Variants in ASF1B observed in about 807,000 individuals in gnomAD.
The protein encoded by ASF1B is histone chaperone ASF1B.
ASF1B carries 10 observed loss-of-function variants against 16.6 expected under a neutral mutation model. The ratio of observed to expected loss-of-function variants is 0.60; its 90% CI spans 0.37 to 1.02. ASF1B has a LOEUF of 1.02. Among genes scored for constraint, ASF1B ranks in the 50% least tolerant of loss-of-function variants. The pLI is 0.01. For synonymous variants in ASF1B, 101 were observed against 106.2 expected (o/e 0.95, Z 0.30); for missense variants, 240 against 266.0 (o/e 0.90, Z 0.68).
chr19:14,135,659 A>G (rs947105361), intron 1 of ASF1B, among the ~76,000 whole-genome samples: 2 of 152,092 alleles, frequency 1.3e-5, no homozygotes, highest in African/African-American at 4.8e-5. Context: ...TTTCACAGGA[A>G]AAAAAGGTTA....
chr19:14,124,513 T>C (rs1822593720), intron 2 of ASF1B, among the ~76,000 whole-genome samples: 1 of 152,186 alleles, frequency 6.6e-6, no homozygotes. Flanking sequence ...CCATCCTCAT[T>C]ATTCATGGGT....
Position 14,128,500 on chromosome 19 carries a change from G to C in ASF1B, c.110-2263C>G, listed in dbSNP as rs981203659. Among the ~76,000 whole-genome samples, 12 of 152,100 alleles carry C rather than the reference G, an allele frequency of 7.9e-5. 1 individual carries two copies. The highest frequency in any genetic ancestry group is 4.6e-4 in the Admixed American group (7 of 15,248). On this transcript the variant is annotated intron_variant, in intron 1 of 3. Transcript: ENST00000263382. ...AGTTGACTTTTTTCACTGGAGATGG[G>C]GTCTCGGTCCGTCACCCAGGCTGCA...
chr19:14,123,743 A>G (rs1326240836), intron 2 of ASF1B, among the ~76,000 whole-genome samples: 1 of 151,278 alleles, frequency 6.6e-6, no homozygotes, highest in African/African-American at 2.4e-5. Context: ...GTGCAATCAC[A>G]GATCACTGTA....
chr19:14,136,269 G>A (rs1026609613), intron 1 of ASF1B, 79 bp downstream of exon 1: 84 of 1,224,480 alleles, frequency 6.9e-5, no homozygotes, highest in Middle Eastern at 3.9e-4. Context: ...GGGAGATCAA[G>A]TTGGCCATGG....
Position 14,120,521 on chromosome 19 carries a change from C to T in ASF1B, c.547G>A (p.Gly183Ser). 6.2e-7 allele frequency: 1 copy of T among 1,613,264 alleles called. No homozygotes were observed. Among genetic ancestry groups the T allele is most frequent in the Middle Eastern group, 1.7e-4 (1 of 6,054 alleles). ...GGGATGCAGCCAGGGAGCCCCAAGC[C>T]CTTGATAGGAGTGCAGTTGAGTGGG... ...GLPLNCTPIK[G>S]LGLPGCIPGL... The change falls in exon 4 of 4, where the codon GGC (glycine) becomes AGC (serine). Residue 183 changes from glycine to serine, a missense_variant. Transcript: ENST00000263382.
chr19:14,120,136 T>G lies in ASF1B; in HGVS notation c.*323A>C. On this transcript the variant is annotated 3_prime_UTR_variant, in exon 4 of 4. Transcript: ENST00000263382. ...AAAGCCTCTAGGTGGGCCAGGGAGG[T>G]CTGTGGGAAAGCTTTGGATCAATGG... 2.8e-5 allele frequency: 7 copies of G among 248,990 alleles called. No homozygotes were observed. The highest frequency in any genetic ancestry group is 1.2e-4 in the South Asian group (2 of 16,574). The allele number at this position is 248,990 out of a possible 1,614,324, so 15.4% of individuals were successfully genotyped here. A position where few individuals can be genotyped will look rare whatever the true frequency, so the allele number is the denominator to read the frequency against.
chr19:14,124,538 T>C (rs987311641), intron 2 of ASF1B, among the ~76,000 whole-genome samples: 1 of 152,182 alleles, frequency 6.6e-6, no homozygotes, highest in Non-Finnish European at 1.5e-5. Context: ...TATGTGCAAG[T>C]TCACCTACCT....
At chr19:14,125,021 C>G (rs1252757028) in intron 2 of ASF1B, among the ~76,000 whole-genome samples, 1 of 152,170 alleles carries the variant, frequency 6.6e-6, no homozygotes, top group Non-Finnish European at 1.5e-5. Context: ...GGCTAGAGTG[C>G]ACTGGTGCGA....
At chr19:14,121,427 T>C in intron 3 of ASF1B, 105 bp downstream of exon 3, 1 of 1,297,540 alleles carries the variant, frequency 7.7e-7, no homozygotes, top group Non-Finnish European at 1.1e-6. Flanking sequence ...TGAATATTAC[T>C]TGAAAACCTT....
chr19:14,136,328 C>T lies in ASF1B; in HGVS notation c.109+20G>A, dbSNP rs550481341. The T allele has an allele frequency of 9.3e-6, 15 of 1,604,352 alleles. No homozygotes were observed. The South Asian group carries it at 1.3e-4, about 14-fold the overall frequency. ...GGGGTCGGCCCGGGGGTGGGGGTCC[C>T]CGCACAGGCCCAGCCTCACCGTCCG... On this transcript the variant is annotated intron_variant, in intron 1 of 3. Transcript: ENST00000263382.
At chr19:14,132,516 A>G (rs1967421152) in intron 1 of ASF1B, among the ~76,000 whole-genome samples, 1 of 152,176 alleles carries the variant, frequency 6.6e-6, no homozygotes, top group South Asian at 2.1e-4. Context: ...TCATCCAGGT[A>G]CAATTAACAA....
At chr19:14,135,939 G>A (rs1456921015) in intron 1 of ASF1B, among the ~76,000 whole-genome samples, 1 of 151,882 alleles carries the variant, frequency 6.6e-6, no homozygotes, top group African/African-American at 2.4e-5. Flanking sequence ...TGGAGGCCGA[G>A]AAGGTCTCCC....
At chr19:14,133,543 C>T (rs1316383420) in intron 1 of ASF1B, among the ~76,000 whole-genome samples, 1 of 151,982 alleles carries the variant, frequency 6.6e-6, no homozygotes, top group East Asian at 2.0e-4. Context: ...TAGCAGGCAC[C>T]TGTAATCCCA....
At chr19:14,120,832 T>A (rs537473803) in intron 3 of ASF1B, among the ~76,000 whole-genome samples, 167 bp from the exon 4 acceptor site, 1 of 152,218 alleles carries the variant, frequency 6.6e-6, no homozygotes, top group South Asian at 2.1e-4. Flanking sequence ...TATTTATTTA[T>A]TTTTTGAGAC....
At chr19:14,129,208 C>T (rs997886065) in intron 1 of ASF1B, among the ~76,000 whole-genome samples, 1 of 151,838 alleles carries the variant, frequency 6.6e-6, no homozygotes, top group African/African-American at 2.4e-5. Flanking sequence ...GAGCCATGAT[C>T]GAGCCACTGC....
intron 2 of ASF1B, among the ~76,000 whole-genome samples, chr19:14,125,531 G>C (rs1228359660): frequency 6.6e-6 from 1 of 152,062 alleles, no homozygotes; most frequent in African/African-American, 2.4e-5. Flanking sequence ...AGTAGAACTA[G>C]GATTTGAACC....
At chr19:14,126,000 G>A in intron 2 of ASF1B, 122 bp downstream of exon 2, 2 of 722,152 alleles carry the variant, frequency 2.8e-6, no homozygotes, top group East Asian at 2.8e-5. Context: ...TGGGTCTATA[G>A]GCGTGAGCCC....
intron 3 of ASF1B, among the ~76,000 whole-genome samples, 196 bp from the exon 4 acceptor site, chr19:14,120,861 C>T (rs1292326886): frequency 6.6e-6 from 1 of 152,082 alleles, no homozygotes; most frequent in African/African-American, 2.4e-5. Context: ...GCTTTTGTTG[C>T]CCAGGCTGGA....
intron 1 of ASF1B, among the ~76,000 whole-genome samples, chr19:14,132,891 C>T (rs182067973): frequency 1.3e-4 from 19 of 151,376 alleles, no homozygotes; most frequent in Non-Finnish European, 2.4e-4. Flanking sequence ...CAGGCCGAGG[C>T]GGGCGGATCA....
Sources: allele counts gnomAD v4.1 joint callset (sites outside exome capture counted in the v4.1 genomes callset), GRCh38; gene constraint gnomAD v4.1.1; transcripts MANE v1.5; gene names NCBI Gene and HGNC (gene_info 2026-07-23, HGNC 2026-07-21).